Variants in SPIDR observed in about 807,000 individuals in gnomAD.
SPIDR encodes the protein scaffold protein involved in DNA repair.
In SPIDR, 93 loss-of-function variants were observed where a neutral mutation model predicts 104.6. That is an observed-to-expected ratio of 0.89 (90% confidence interval 0.75 to 1.06). The LOEUF is 1.06. Ranked by LOEUF, SPIDR falls within the 50% of genes least tolerant of loss-of-function variation. SPIDR has a pLI of 0.00. For synonymous variants in SPIDR, 431 were observed against 416.9 expected (o/e 1.03, Z -0.41); for missense variants, 1,154 against 1,111.2 (o/e 1.04, Z -0.55).
At chr8:47,350,941 A>G (rs1036125384) in intron 5 of SPIDR, among the ~76,000 whole-genome samples, 2 of 152,178 alleles carry the variant, frequency 1.3e-5, no homozygotes, top group East Asian at 1.9e-4. Context: ...CAACTGCATG[A>G]TGAAATCTCT....
intron 5 of SPIDR, among the ~76,000 whole-genome samples, chr8:47,351,917 G>C (rs1033500709): frequency 3.3e-5 from 5 of 152,132 alleles, no homozygotes; most frequent in Non-Finnish European, 7.4e-5. Context: ...TGCTTACTGA[G>C]GGATAACTGT....
At chr8:47,534,457 A>T (rs895912955) in intron 8 of SPIDR, among the ~76,000 whole-genome samples, 6 of 152,242 alleles carry the variant, frequency 3.9e-5, no homozygotes, top group African/African-American at 1.4e-4. Context: ...CATAAAAATG[A>T]ACAAGATCAT....
intron 7 of SPIDR, among the ~76,000 whole-genome samples, chr8:47,433,357 C>G (rs144775216): frequency 6.6e-6 from 1 of 152,336 alleles, no homozygotes; most frequent in African/African-American, 2.4e-5. Flanking sequence ...TCCCTGCTGG[C>G]TTCCCATCAC....
At chr8:47,373,761 G>GCACAACAAAAT (rs1434146351) in intron 5 of SPIDR, among the ~76,000 whole-genome samples, 4 of 152,176 alleles carry the variant, frequency 2.6e-5, no homozygotes, top group East Asian at 3.8e-4. Flanking sequence ...GTGTTGAAAT[G>GCACAACAAAAT]CAGTTTTCTG....
At chr8:47,674,677 A>G (rs2076202593) in intron 11 of SPIDR, among the ~76,000 whole-genome samples, 1 of 152,234 alleles carries the variant, frequency 6.6e-6, no homozygotes, top group African/African-American at 2.4e-5. Flanking sequence ...GGAAGGAGGA[A>G]AAGTCCAGTT....
Position 47,714,842 on chromosome 8 carries a change from A to G in SPIDR, c.2341+1201A>G, listed in dbSNP as rs543269956. Among the ~76,000 whole-genome samples, 10 of 152,306 alleles carry G rather than the reference A, an allele frequency of 6.6e-5. No homozygotes were observed. In the East Asian group the frequency reaches 1.7e-3, roughly 26 times the overall value. ...CAGGATCTCTCGTGTTTTTGCAATT[A>G]TTAAACAAGGCTGTAATAAACATTC... On this transcript the variant is annotated intron_variant, in intron 16 of 19. Transcript: ENST00000297423.
At chr8:47,590,229 C>T (rs2060838124) in intron 8 of SPIDR, among the ~76,000 whole-genome samples, 1 of 151,032 alleles carries the variant, frequency 6.6e-6, no homozygotes, top group Non-Finnish European at 1.5e-5. Context: ...TTTTGCTCTA[C>T]TTTTTTCTAG....
chr8:47,309,709 C>T (rs1168360713), intron 5 of SPIDR, among the ~76,000 whole-genome samples: 3 of 152,146 alleles, frequency 2.0e-5, no homozygotes, highest in African/African-American at 7.2e-5. Flanking sequence ...AAAATGATTG[C>T]TTTAGGAAAT....
At chr8:47,719,311 A>G (rs1419725125) in intron 16 of SPIDR, among the ~76,000 whole-genome samples, 2 of 152,124 alleles carry the variant, frequency 1.3e-5, no homozygotes, top group Non-Finnish European at 2.9e-5. Context: ...GATCGAGACC[A>G]TCCTGGCTAA....
At chr8:47,717,972 G>T (rs939623463) in intron 16 of SPIDR, among the ~76,000 whole-genome samples, 2 of 152,130 alleles carry the variant, frequency 1.3e-5, no homozygotes, top group Non-Finnish European at 2.9e-5. Context: ...AATGAGAGCA[G>T]CCCTGGGGCA....
chr8:47,387,305 G>A (rs2060072952), intron 5 of SPIDR, among the ~76,000 whole-genome samples: 1 of 152,164 alleles, frequency 6.6e-6, no homozygotes. Flanking sequence ...GGGGGGCATT[G>A]AATGGCATCC....
At chr8:47,377,152 G>C (rs577354571) in intron 5 of SPIDR, among the ~76,000 whole-genome samples, 1 of 152,262 alleles carries the variant, frequency 6.6e-6, no homozygotes, top group Non-Finnish European at 1.5e-5. Flanking sequence ...CATCTCTGGG[G>C]ACTGGTATTT....
intron 16 of SPIDR, among the ~76,000 whole-genome samples, chr8:47,726,435 G>A (rs563252907): frequency 1.3e-5 from 2 of 152,298 alleles, no homozygotes; most frequent in East Asian, 1.9e-4. Context: ...TAATTTCACC[G>A]CTTTTCAACA....
intron 5 of SPIDR, among the ~76,000 whole-genome samples, chr8:47,348,357 CT>C (rs2052633559): frequency 6.6e-6 from 1 of 152,144 alleles, no homozygotes; most frequent in African/African-American, 2.4e-5. Context: ...GTAACCTGAC[CT>C]TTCTCTCTGG....
chr8:47,261,046 G>A (rs749500922), intron 1 of SPIDR, 55 bp downstream of exon 1: 6 of 1,224,586 alleles, frequency 4.9e-6, no homozygotes, highest in African/African-American at 1.6e-5. Context: ...GCGGGGAAGC[G>A]GCGGGCCGGC....
At chr8:47,400,469 G>C (rs1025066848) in intron 6 of SPIDR, among the ~76,000 whole-genome samples, 1 of 152,192 alleles carries the variant, frequency 6.6e-6, no homozygotes, top group Admixed American at 6.5e-5. Context: ...GAGCTGACTA[G>C]AAAGGCCTGT....
intron 1 of SPIDR, among the ~76,000 whole-genome samples, chr8:47,277,494 TAG>T: frequency 6.6e-6 from 1 of 151,202 alleles, no homozygotes; most frequent in East Asian, 2.0e-4. Flanking sequence ...GCCTCCTGAG[TAG>T]CTGGGACCAC....
chr8:47,551,713 A>G (rs1479069117), intron 8 of SPIDR, among the ~76,000 whole-genome samples: 1 of 152,126 alleles, frequency 6.6e-6, no homozygotes, highest in Non-Finnish European at 1.5e-5. Flanking sequence ...GATCATTTCA[A>G]AAAACCAGCT....
chr8:47,708,316 CAAAA>C (rs1389892729), intron 14 of SPIDR, among the ~76,000 whole-genome samples: 1 of 152,056 alleles, frequency 6.6e-6, no homozygotes, highest in African/African-American at 2.4e-5. Flanking sequence ...AACAAACAAA[CAAAA>C]AACTTTCCCT....
Sources: gnomAD v4.1 joint callset for allele counts (sites outside exome capture counted in the v4.1 genomes callset) on GRCh38, gnomAD v4.1.1 for gene constraint, MANE v1.5 for transcripts, NCBI Gene and HGNC (gene_info 2026-07-23, HGNC 2026-07-21) for gene names.